The following FOXP1 variants were observed in gnomAD, a reference collection of about 807,000 sequenced individuals.
FOXP1 encodes the protein forkhead box P1.
A neutral mutation model predicts 98.2 loss-of-function variants in FOXP1; 15 were observed. The ratio of observed to expected loss-of-function variants is 0.15; its 90% CI spans 0.10 to 0.24. The LOEUF (loss-of-function observed/expected upper bound fraction) is 0.24, where lower values mean the gene tolerates loss of function less well. FOXP1 is among the 10% of genes least tolerant of loss of function. The pLI is 1.00. For missense variants in FOXP1, 633 were observed against 848.5 expected, an observed-to-expected ratio of 0.75 and a Z score of 3.15; for synonymous variants, 371 against 314.5, an observed-to-expected ratio of 1.18 and a Z score of -1.90.
intron 2 of FOXP1, 155 bp downstream of exon 2, chr3:71,581,394 C>G: frequency 1.0e-6 from 1 of 985,402 alleles, no homozygotes; most frequent in Non-Finnish European, 1.2e-6. Context: ...TTTCGAAGCA[C>G]CTACCGGCCT....
chr3:71,471,668 AG>A (rs2089363139), intron 3 of FOXP1, among the ~76,000 whole-genome samples: 1 of 152,202 alleles, frequency 6.6e-6, no homozygotes, highest in Admixed American at 6.5e-5. Context: ...GTGATAGAAA[AG>A]AAAAAAAAAG....
At chr3:71,383,900 T>G (rs2080367803) in intron 3 of FOXP1, among the ~76,000 whole-genome samples, 1 of 152,170 alleles carries the variant, frequency 6.6e-6, no homozygotes, top group Non-Finnish European at 1.5e-5. Flanking sequence ...GAGAAAGCTC[T>G]TCAGAGACAA....
At chr3:71,262,931 G>T (rs1205141009) in intron 5 of FOXP1, among the ~76,000 whole-genome samples, 1 of 152,192 alleles carries the variant, frequency 6.6e-6, no homozygotes, top group Non-Finnish European at 1.5e-5. Flanking sequence ...GAGTCTTCGG[G>T]TGGCCTTGGG....
chr3:71,098,953 A>T (rs896321449), intron 7 of FOXP1, among the ~76,000 whole-genome samples: 4 of 152,222 alleles, frequency 2.6e-5, no homozygotes, highest in Admixed American at 6.5e-5. Context: ...GCTAAACTTT[A>T]TTAAGTACTT....
At chr3:71,117,850 A>ATT (rs2058485492) in intron 6 of FOXP1, among the ~76,000 whole-genome samples, 2 of 152,200 alleles carry the variant, frequency 1.3e-5, no homozygotes, top group Non-Finnish European at 2.9e-5. Flanking sequence ...CTCGGGTTAC[A>ATT]GTAAAGACAC....
At chr3:71,301,351 A>C (rs1460446504) in intron 4 of FOXP1, among the ~76,000 whole-genome samples, 1 of 152,208 alleles carries the variant, frequency 6.6e-6, no homozygotes, top group South Asian at 2.1e-4. Flanking sequence ...AAAACAGAGC[A>C]AAGATGGTCA....
chr3:71,041,591 C>G, intron 10 of FOXP1, 59 bp from the exon 11 acceptor site: 1 of 1,508,914 alleles, frequency 6.6e-7, no homozygotes, highest in Non-Finnish European at 9.2e-7. Context: ...CCTCTTCAAA[C>G]AGCAATTAAA....
intron 3 of FOXP1, among the ~76,000 whole-genome samples, chr3:71,401,196 G>C (rs1037578476): frequency 3.9e-5 from 6 of 152,184 alleles, no homozygotes; most frequent in Non-Finnish European, 8.8e-5. Context: ...CAACTCCCCT[G>C]CACATTGCCC....
chr3:71,379,769 T>C (rs1299182968), intron 3 of FOXP1, among the ~76,000 whole-genome samples: 2 of 152,178 alleles, frequency 1.3e-5, no homozygotes, highest in Non-Finnish European at 2.9e-5. Context: ...TGGAACTGAG[T>C]GGTTGCAACA....
Position 71,564,270 on chromosome 3 carries a change from T to C in FOXP1, c.-298+17279A>G, listed in dbSNP as rs73839904. ...TAATCTTTGCAAAGTTCTCATCCGT[T>C]ATCTGCCTTGGCTATTTAATGTGAC... On this transcript the variant is annotated intron_variant, in intron 2 of 20. Transcript: ENST00000649528. 3.0e-3 allele frequency among the ~76,000 whole-genome samples: 459 copies of C among 152,340 alleles called. 3 individuals are homozygous for C. Among genetic ancestry groups the C allele is most frequent in the African/African-American group, 0.011 (447 of 41,564 alleles).
At chr3:70,970,958 G>A (rs1297457744) in intron 18 of FOXP1, 153 bp from the exon 19 acceptor site, 1 of 683,064 alleles carries the variant, frequency 1.5e-6, no homozygotes, top group African/African-American at 1.8e-5. Flanking sequence ...CCCCGTCACT[G>A]ATTTGCAGGG....
At chr3:71,141,651 T>G (rs547467676) in intron 6 of FOXP1, among the ~76,000 whole-genome samples, 148 of 152,286 alleles carry the variant, frequency 9.7e-4, no homozygotes, top group African/African-American at 3.0e-3. Context: ...GCACTGGGCC[T>G]AGGAGGGAGA....
At chr3:71,430,797 C>A (rs2084637331) in intron 3 of FOXP1, among the ~76,000 whole-genome samples, 1 of 152,060 alleles carries the variant, frequency 6.6e-6, no homozygotes, top group African/African-American at 2.4e-5. Flanking sequence ...TGTCTGTCAC[C>A]CAAACTCATG....
chr3:71,527,039 A>C (rs919439564), intron 2 of FOXP1, among the ~76,000 whole-genome samples: 17 of 152,026 alleles, frequency 1.1e-4, no homozygotes, highest in African/African-American at 4.1e-4. Context: ...AGAGGGCACT[A>C]CTGTATATGC....
intron 2 of FOXP1, among the ~76,000 whole-genome samples, chr3:71,520,728 C>T (rs1031406286): frequency 2.0e-5 from 3 of 152,228 alleles, no homozygotes; most frequent in African/African-American, 7.2e-5. Flanking sequence ...TGTGTCTCCA[C>T]TTAGCCTCTA....
In FOXP1 at chr3:71,568,502, G is replaced by A. The variant is rs568236908; in HGVS notation, c.-298+13047C>T. Among the ~76,000 whole-genome samples the A allele has an allele frequency of 4.6e-5, 7 of 152,308 alleles. 1 individual carries two copies. The highest frequency in any genetic ancestry group is 1.4e-4 in the African/African-American group (6 of 41,566). ...CACATACAGAAAAGCCCCAAGCTCAGAAGAGCCCCACCCTTGGTTTAATGC... is the reference window on the plus strand; with the variant it reads ...CACATACAGAAAAGCCCCAAGCTCAAAAGAGCCCCACCCTTGGTTTAATGC... On this transcript the variant is annotated intron_variant, in intron 2 of 20. Coordinates refer to ENST00000649528, the MANE Select transcript of FOXP1 (RefSeq NM_001349338.3).
At chr3:71,027,225 T>C (rs1409617649) in intron 11 of FOXP1, among the ~76,000 whole-genome samples, 1 of 152,178 alleles carries the variant, frequency 6.6e-6, no homozygotes, top group Non-Finnish European at 1.5e-5. Context: ...GTCCATATGT[T>C]AGAGGAACCA....
intron 2 of FOXP1, among the ~76,000 whole-genome samples, chr3:71,496,276 T>C (rs1443119041): frequency 6.6e-6 from 1 of 151,978 alleles, no homozygotes; most frequent in Non-Finnish European, 1.5e-5. Context: ...GCACAGTAGG[T>C]GTCTGGGCAG....
intron 3 of FOXP1, among the ~76,000 whole-genome samples, chr3:71,460,638 C>T (rs144078234): frequency 1.3e-5 from 2 of 152,174 alleles, no homozygotes; most frequent in East Asian, 3.9e-4. Flanking sequence ...GGGGTTTTAC[C>T]GTGTTGCCCA....
Sources: gnomAD v4.1 joint callset for allele counts (sites outside exome capture counted in the v4.1 genomes callset) on GRCh38, gnomAD v4.1.1 for gene constraint, MANE v1.5 for transcripts, NCBI Gene and HGNC (gene_info 2026-07-23, HGNC 2026-07-21) for gene names.